Variants in CHODL observed in about 807,000 individuals in gnomAD.
The protein encoded by CHODL is chondrolectin.
A neutral mutation model predicts 34.5 loss-of-function variants in CHODL; 29 were observed. The observed-to-expected ratio is 0.84, with a 90% CI of 0.63 to 1.15. The LOEUF is 1.15. Among genes scored for constraint, CHODL ranks in the 50% most tolerant of loss-of-function variants. CHODL has a pLI of 0.00. For synonymous variants in CHODL, 125 were observed against 116.1 expected (o/e 1.08, Z -0.49); for missense variants, 332 against 332.5 (o/e 1.00, Z 0.01).
chr21:17,918,561 T>C lies in CHODL; in HGVS notation c.-145+1161T>C, dbSNP rs546335488. On this transcript the variant is annotated intron_variant, in intron 1 of 6. Transcript: ENST00000400127. ...GAACTGCCCCCATAATTTAATCACTTCCCCCCGGGTTCCTCCTAGGACACA... is the reference window on the plus strand; with the variant it reads ...GAACTGCCCCCATAATTTAATCACTCCCCCCCGGGTTCCTCCTAGGACACA... 3.2e-3 allele frequency among the ~76,000 whole-genome samples: 489 copies of C among 152,034 alleles called. 3 individuals are homozygous for C. The highest frequency in any genetic ancestry group is 0.01 in the African/African-American group (428 of 41,454).
intron 2 of CHODL, among the ~76,000 whole-genome samples, chr21:18,112,801 G>A (rs1247976819): frequency 6.6e-6 from 1 of 152,040 alleles, no homozygotes; most frequent in Non-Finnish European, 1.5e-5. Context: ...AGACCTCAAA[G>A]TATGAAACTA....
intron 2 of CHODL, among the ~76,000 whole-genome samples, chr21:18,140,932 G>A (rs2072793837): frequency 6.6e-6 from 1 of 151,936 alleles, no homozygotes; most frequent in Non-Finnish European, 1.5e-5. Context: ...GATTCAGAAT[G>A]TTCTGGCACA....
intron 1 of CHODL, among the ~76,000 whole-genome samples, chr21:18,249,566 A>T (rs1454306426): frequency 6.6e-6 from 1 of 152,124 alleles, no homozygotes; most frequent in Non-Finnish European, 1.5e-5. Context: ...TCAATAACAG[A>T]TTAATGCTTA....
intron 2 of CHODL, among the ~76,000 whole-genome samples, chr21:18,140,467 T>C (rs2072787579): frequency 6.6e-6 from 1 of 152,174 alleles, no homozygotes; most frequent in Non-Finnish European, 1.5e-5. Flanking sequence ...CTTTTAACTA[T>C]ATCTCATAAA....
chr21:18,187,075 T>C (rs2073451128), intron 2 of CHODL, among the ~76,000 whole-genome samples: 1 of 152,162 alleles, frequency 6.6e-6, no homozygotes, highest in African/African-American at 2.4e-5. Context: ...CAGCAAGTAC[T>C]GTAAGCAAGG....
chr21:18,108,031 C>G lies in CHODL; in HGVS notation c.-45+80060C>G, dbSNP rs1271605553. Among the ~76,000 whole-genome samples the G allele has an allele frequency of 4.6e-5, 7 of 152,176 alleles. No individual in the cohort carries two copies. In the East Asian group the frequency reaches 1.2e-3, roughly 25 times the overall value. On this transcript the variant is annotated intron_variant, in intron 2 of 6. Coordinates refer to the CHODL transcript ENST00000400127. ...GCTGGGATTTGCTTGCCCTGTCTTT[C>G]ATGCATTTGGCAATCTGTGAACTTC... is the stretch of plus-strand genomic sequence containing the variant.
intron 2 of CHODL, among the ~76,000 whole-genome samples, chr21:18,102,678 C>A (rs1388299796): frequency 6.6e-6 from 1 of 152,070 alleles, no homozygotes; most frequent in African/African-American, 2.4e-5. Flanking sequence ...TTGTCTAACC[C>A]TTTAATTGAT....
At chr21:18,235,315 A>AT (rs1038814039) in intron 2 of CHODL, among the ~76,000 whole-genome samples, 1 of 152,130 alleles carries the variant, frequency 6.6e-6, no homozygotes, top group Non-Finnish European at 1.5e-5. Flanking sequence ...AGCATTATGC[A>AT]TTTTTTTCTA....
intron 2 of CHODL, among the ~76,000 whole-genome samples, chr21:18,082,176 A>G (rs1024667345): frequency 2.0e-5 from 3 of 152,080 alleles, no homozygotes; most frequent in African/African-American, 7.2e-5. Context: ...TGGTTGTTTC[A>G]AAGTGTGTGG....
chr21:18,039,380 A>G (rs1438231096), intron 2 of CHODL, among the ~76,000 whole-genome samples: 1 of 151,722 alleles, frequency 6.6e-6, no homozygotes, highest in African/African-American at 2.4e-5. Context: ...CCTTAAGGTC[A>G]AAGAGTCATA....
In CHODL at chr21:17,963,008, G is replaced by A. The variant is rs150517860; in HGVS notation, c.-145+45608G>A. The stretch of plus-strand genomic sequence containing the variant: ...GAACCCGGGAGGCGGAGCTTGCAGT[G>A]AGCTGAGATCGCACCACTGCACTCC... On this transcript the variant is annotated intron_variant, in intron 1 of 6. Coordinates refer to the CHODL transcript ENST00000400127. Among the ~76,000 whole-genome samples, 634 of 151,382 alleles carry A rather than the reference G, an allele frequency of 4.2e-3. 2 individuals are homozygous for A. The highest frequency in any genetic ancestry group is 0.012 in the African/African-American group (482 of 41,178).
intron 2 of CHODL, among the ~76,000 whole-genome samples, chr21:18,182,856 T>C (rs2073397503): frequency 6.6e-6 from 1 of 152,208 alleles, no homozygotes; most frequent in Non-Finnish European, 1.5e-5. Flanking sequence ...CAATGAAGTA[T>C]TCTGGGTGCT....
intron 1 of CHODL, among the ~76,000 whole-genome samples, chr21:17,989,717 G>A (rs2063782024): frequency 6.6e-6 from 1 of 152,126 alleles, no homozygotes; most frequent in Non-Finnish European, 1.5e-5. Flanking sequence ...AGCCGACCAT[G>A]TTTCAATTAA....
chr21:18,116,466 C>T (rs1568894550), intron 2 of CHODL, among the ~76,000 whole-genome samples: 2 of 152,200 alleles, frequency 1.3e-5, no homozygotes, highest in South Asian at 2.1e-4. Flanking sequence ...TGTCTGTTTG[C>T]ATTGCTATTA....
chr21:17,987,695 C>T (rs1300215961), intron 1 of CHODL, among the ~76,000 whole-genome samples: 4 of 152,098 alleles, frequency 2.6e-5, no homozygotes, highest in African/African-American at 9.7e-5. Context: ...AAGAGCTACC[C>T]ATGCAATATT....
intron 1 of CHODL, among the ~76,000 whole-genome samples, chr21:17,969,409 A>T (rs1160303052): frequency 6.6e-6 from 1 of 152,262 alleles, no homozygotes; most frequent in Non-Finnish European, 1.5e-5. Context: ...ACATTGTATT[A>T]TGAATGCCAT....
At chr21:18,042,438 A>T (rs1270652604) in intron 2 of CHODL, among the ~76,000 whole-genome samples, 1 of 151,998 alleles carries the variant, frequency 6.6e-6, no homozygotes, top group Admixed American at 6.6e-5. Flanking sequence ...TTATAGAATT[A>T]TAAATCAGAA....
chr21:18,211,609 G>A (rs2073775605), intron 2 of CHODL, among the ~76,000 whole-genome samples: 2 of 152,154 alleles, frequency 1.3e-5, no homozygotes, highest in Admixed American at 1.3e-4. Context: ...CTTTTCAGTT[G>A]CCAACCATAT....
intron 1 of CHODL, among the ~76,000 whole-genome samples, chr21:17,941,705 A>T (rs972275569): frequency 6.6e-6 from 1 of 152,216 alleles, no homozygotes. Context: ...TTTCTACTAC[A>T]TACCTGTCTT....
Sources: gnomAD v4.1 joint callset for allele counts (sites outside exome capture counted in the v4.1 genomes callset) on GRCh38, gnomAD v4.1.1 for gene constraint, MANE v1.5 for transcripts, NCBI Gene and HGNC (gene_info 2026-07-23, HGNC 2026-07-21) for gene names.